Variants in BPNT2 observed in about 807,000 individuals in gnomAD.
The protein encoded by BPNT2 is 3'(2'), 5'-bisphosphate nucleotidase 2, also known as Golgi-resident adenosine 3',5'-bisphosphate 3'-phosphatase.
In BPNT2, 11 loss-of-function variants were observed where a neutral mutation model predicts 29.3. The ratio of observed to expected loss-of-function variants is 0.38; its 90% CI spans 0.24 to 0.62. The LOEUF (loss-of-function observed/expected upper bound fraction) is 0.62, where lower values mean the gene tolerates loss of function less well. Among genes scored for constraint, BPNT2 ranks in the 20% least tolerant of loss-of-function variants. BPNT2 has a pLI of 0.62. For synonymous variants in BPNT2, 195 were observed against 187.7 expected (o/e 1.04, Z -0.32); for missense variants, 459 against 473.4 (o/e 0.97, Z 0.28).
chr8:56,975,020 G>A (rs750997378), intron 3 of BPNT2, among the ~76,000 whole-genome samples: 1 of 152,056 alleles, frequency 6.6e-6, no homozygotes, highest in Non-Finnish European at 1.5e-5. Context: ...TGCAGCTAAG[G>A]GTGCCATGTG....
intron 3 of BPNT2, among the ~76,000 whole-genome samples, chr8:56,974,703 C>A (rs1806101319): frequency 6.6e-6 from 1 of 152,160 alleles, no homozygotes; most frequent in Non-Finnish European, 1.5e-5. Flanking sequence ...GGCAAGTTAG[C>A]CGCATTACAG....
At chr8:56,973,776 A>C (rs999998587) in intron 3 of BPNT2, among the ~76,000 whole-genome samples, 5 of 152,196 alleles carry the variant, frequency 3.3e-5, no homozygotes. Flanking sequence ...ATTATTCAAG[A>C]CTGCTTTTGA....
At chr8:56,980,491 T>C (rs2129205489) in intron 1 of BPNT2, among the ~76,000 whole-genome samples, 1 of 152,234 alleles carries the variant, frequency 6.6e-6, no homozygotes, top group African/African-American at 2.4e-5. Flanking sequence ...AGAAACAAGC[T>C]ACTTAAACCT....
intron 1 of BPNT2, among the ~76,000 whole-genome samples, chr8:56,989,397 T>C (rs761958955): frequency 6.6e-6 from 1 of 151,256 alleles, no homozygotes; most frequent in Non-Finnish European, 1.5e-5. Flanking sequence ...AAAAAAATTC[T>C]AGCTGGACAA....
At chr8:56,990,084 C>A (rs982921958) in intron 1 of BPNT2, among the ~76,000 whole-genome samples, 61 of 152,196 alleles carry the variant, frequency 4.0e-4, no homozygotes, top group African/African-American at 1.3e-3. Context: ...TATATTAGTG[C>A]TTCTCAAACT....
Position 56,963,907 on chromosome 8 carries a change from T to G in BPNT2, c.966A>C (p.Glu322Asp), listed in dbSNP as rs1348540270. ...TGCCGTCTGAACCAGTGTAACTGAT[T>G]TCTTCACCACTCAGGGTAGTCATAT... ...GGHMTTLSGE[E>D]ISYTGSDGIE... Residue 322 changes from glutamate to aspartate, a missense_variant, in exon 5 of 5, where the codon GAA (glutamate) becomes GAC (aspartate). Physicochemically the swap from Glu to Asp is conservative, Grantham distance 45. Coordinates refer to ENST00000262644, the MANE Select transcript of BPNT2 (RefSeq NM_017813.5). 1 of 1,614,164 alleles carries G rather than the reference T, an allele frequency of 6.2e-7. No individual in the cohort carries two copies. The highest frequency in any genetic ancestry group is 2.2e-5 in the East Asian group (1 of 44,876).
rs548802996 is a variant in BPNT2, at chr8:56,980,739, T to A, written c.388-542A>T. Among the ~76,000 whole-genome samples the A allele has an allele frequency of 1.4e-4, 21 of 150,330 alleles. No homozygotes were observed. In the South Asian group the frequency reaches 4.4e-3, roughly 32 times the overall value. On this transcript the variant is annotated intron_variant, in intron 1 of 4. Transcript: ENST00000262644. ...GAGAGAAATATAAGTAGAGGAAGGG[T>A]TGTTACGAGAATAGAGGAATATATT...
chr8:56,966,957 C>T (rs1011831645), intron 3 of BPNT2, among the ~76,000 whole-genome samples: 3 of 152,096 alleles, frequency 2.0e-5, no homozygotes, highest in Non-Finnish European at 4.4e-5. Context: ...TACATATCAG[C>T]CTTATCAGAG....
chr8:56,963,456 AAC>A lies in BPNT2; in HGVS notation c.*335_*336del, dbSNP rs1805877304. On this transcript the variant is annotated 3_prime_UTR_variant, in exon 5 of 5. Coordinates refer to ENST00000262644, the MANE Select transcript of BPNT2 (RefSeq NM_017813.5). Reference sequence around the variant, plus strand: ...CAACCGAATTCTATATGAAAGTACTAACAGTGAAGATTCATGATGTTGTGTGA... The same window carrying A: ...CAACCGAATTCTATATGAAAGTACTAAGTGAAGATTCATGATGTTGTGTGA... The A allele has an allele frequency of 8.3e-6, 2 of 242,016 alleles. No individual in the cohort carries two copies. Among genetic ancestry groups the A allele is most frequent in the Non-Finnish European group, 1.6e-5 (2 of 124,306 alleles). The allele number at this position is 242,016 out of a possible 1,614,324, so 15.0% of individuals were successfully genotyped here. A position where few individuals can be genotyped will look rare whatever the true frequency, so the allele number is the denominator to read the frequency against.
chr8:56,987,770 C>A lies in BPNT2; in HGVS notation c.387+5429G>T, dbSNP rs1350412837. Among the ~76,000 whole-genome samples, 3 of 151,162 alleles carry A rather than the reference C, an allele frequency of 2.0e-5. No homozygotes were observed. The South Asian group carries it at 6.3e-4, about 32-fold the overall frequency. On this transcript the variant is annotated intron_variant, in intron 1 of 4. Transcript: ENST00000262644. ...TTGAGATGGAGTCTTGCTCTGTCAC[C>A]CAGGCTGGAGTGCAGTGGTGTGATC...
chr8:56,974,048 C>A (rs1205044945), intron 3 of BPNT2, among the ~76,000 whole-genome samples: 1 of 152,050 alleles, frequency 6.6e-6, no homozygotes, highest in Admixed American at 6.6e-5. Context: ...AGGATGAAGA[C>A]CTTTAGGATA....
rs1335435394 is a variant in BPNT2 at position 56,958,519 on chromosome 8, T to C, written c.*5274A>G. The C allele has an allele frequency of 3.3e-5, 5 of 152,220 alleles. No homozygotes were observed. Among genetic ancestry groups the C allele is most frequent in the African/African-American group, 7.2e-5 (3 of 41,458 alleles). 9.4% of individuals were successfully genotyped at this position (152,220 alleles called of 1,614,324 possible). A position where few individuals can be genotyped will look rare whatever the true frequency, so the allele number is the denominator to read the frequency against. On this transcript the variant is annotated 3_prime_UTR_variant, in exon 5 of 5. Transcript: ENST00000262644. ...AACAGCTAATGGTCTAGTTCCTCCATGGCTTTAAATGCATGAAAGGGAAAA... is the reference window on the plus strand; with the variant it reads ...AACAGCTAATGGTCTAGTTCCTCCACGGCTTTAAATGCATGAAAGGGAAAA...
chr8:56,980,817 TATACAC>T (rs1173023793), intron 1 of BPNT2, among the ~76,000 whole-genome samples: 2 of 67,908 alleles, frequency 2.9e-5, no homozygotes, highest in Non-Finnish European at 5.3e-5. Context: ...CATACATACA[TATACAC>T]ACACACACAC....
intron 3 of BPNT2, among the ~76,000 whole-genome samples, chr8:56,969,571 C>T (rs759638285): frequency 6.8e-6 from 1 of 146,760 alleles, no homozygotes; most frequent in Non-Finnish European, 1.5e-5. Flanking sequence ...ACAGCAGAGT[C>T]GAAAAGTAAA....
chr8:56,963,599 GA>G lies in BPNT2; in HGVS notation c.*193del. 3.3e-6 allele frequency: 2 copies of G among 597,284 alleles called. No homozygotes were observed. The highest frequency in any genetic ancestry group is 4.3e-5 in the South Asian group (2 of 47,048). 37.0% of individuals were successfully genotyped at this position (597,284 alleles called of 1,614,324 possible). A position where few individuals can be genotyped will look rare whatever the true frequency, so the allele number is the denominator to read the frequency against. On this transcript the variant is annotated 3_prime_UTR_variant, in exon 5 of 5. Transcript: ENST00000262644. ...AGTCTCAAAAATAAAGACAATACTTGAGACACAAAGCAACCCATTTTCCCTG... is the reference window on the plus strand; with the variant it reads ...AGTCTCAAAAATAAAGACAATACTTGGACACAAAGCAACCCATTTTCCCTG...
chr8:56,990,379 G>A (rs1438890335), intron 1 of BPNT2, among the ~76,000 whole-genome samples: 2 of 152,106 alleles, frequency 1.3e-5, no homozygotes, highest in African/African-American at 4.8e-5. Context: ...TACCTGCAAG[G>A]ATAAAGAGAC....
intron 1 of BPNT2, 132 bp downstream of exon 1, chr8:56,993,067 A>T: frequency 6.6e-7 from 1 of 1,516,238 alleles, no homozygotes; most frequent in Non-Finnish European, 8.8e-7. Context: ...GACCTTGTGC[A>T]CGTTAACTTC....
intron 2 of BPNT2, 37 bp downstream of exon 2, chr8:56,979,998 C>T (rs753387440): frequency 3.1e-6 from 5 of 1,603,972 alleles, no homozygotes; most frequent in South Asian, 2.2e-5. Flanking sequence ...TACTACTAAA[C>T]GTCAATCAAA....
chr8:56,983,307 T>C (rs1041014599), intron 1 of BPNT2, among the ~76,000 whole-genome samples: 1 of 152,140 alleles, frequency 6.6e-6, no homozygotes, highest in African/African-American at 2.4e-5. Context: ...GGTATTTGAC[T>C]GAAGAGATCT....
Sources: allele counts gnomAD v4.1 joint callset (sites outside exome capture counted in the v4.1 genomes callset), GRCh38; gene constraint gnomAD v4.1.1; transcripts MANE v1.5; gene names NCBI Gene and HGNC (gene_info 2026-07-23, HGNC 2026-07-21).